The following OLFM2 variants were observed in gnomAD, a reference collection of about 807,000 sequenced individuals.
OLFM2 encodes noelin-2.
In OLFM2, 20 loss-of-function variants were observed where a neutral mutation model predicts 43.9. The ratio of observed to expected loss-of-function variants is 0.46; its 90% CI spans 0.32 to 0.66. OLFM2 has a LOEUF of 0.66. Among genes scored for constraint, OLFM2 ranks in the 30% least tolerant of loss-of-function variants. The probability of loss-of-function intolerance (pLI) is 0.04; values close to 1 mark genes in which losing one functional copy is unlikely to be tolerated. For synonymous variants in OLFM2, 268 were observed against 278.6 expected (o/e 0.96, Z 0.38); for missense variants, 416 against 643.6 (o/e 0.65, Z 3.83).
intron 1 of OLFM2, among the ~76,000 whole-genome samples, chr19:9,876,902 C>A (rs879455362): frequency 1.3e-5 from 2 of 152,064 alleles, no homozygotes; most frequent in Non-Finnish European, 2.9e-5. Flanking sequence ...AAAGTGAAAG[C>A]AAGTTTATTA....
At chr19:9,883,036 T>TA (rs34606062) in intron 1 of OLFM2, among the ~76,000 whole-genome samples, 26 of 146,136 alleles carry the variant, frequency 1.8e-4, no homozygotes, top group East Asian at 6.0e-4. Context: ...CCATCTCTAC[T>TA]AAAAAAAAAA....
intron 1 of OLFM2, among the ~76,000 whole-genome samples, chr19:9,914,737 C>A (rs955692217): frequency 6.6e-6 from 1 of 152,192 alleles, no homozygotes; most frequent in African/African-American, 2.4e-5. Flanking sequence ...TCCGCCCACG[C>A]ATCAGCCGGC....
At chr19:9,926,783 C>T (rs191296220) in intron 1 of OLFM2, among the ~76,000 whole-genome samples, 36 of 151,328 alleles carry the variant, frequency 2.4e-4, no homozygotes, top group African/African-American at 7.8e-4. Flanking sequence ...AGTTCAAGAC[C>T]GGCCTGGACA....
chr19:9,932,961 C>A (rs114062349), intron 1 of OLFM2, among the ~76,000 whole-genome samples: 2,169 of 152,236 alleles, frequency 0.014, 41 homozygotes, highest in African/African-American at 0.05. Flanking sequence ...CAAACTTCTG[C>A]CCACAGCTTA....
intron 1 of OLFM2, among the ~76,000 whole-genome samples, chr19:9,875,727 A>G (rs7246057): frequency 0.97 from 147,342 of 151,390 alleles, 71,986 homozygotes; most frequent in Middle Eastern, 1. Flanking sequence ...GCCCTGTCTC[A>G]AACTCCTGAG....
At chr19:9,930,196 C>T (rs2086474439) in intron 1 of OLFM2, among the ~76,000 whole-genome samples, 1 of 152,158 alleles carries the variant, frequency 6.6e-6, no homozygotes, top group Non-Finnish European at 1.5e-5. Context: ...CGCATGACAC[C>T]ACAGACACAT....
intron 2 of OLFM2, among the ~76,000 whole-genome samples, chr19:9,859,250 C>A (rs1283230562): frequency 1.3e-5 from 2 of 152,230 alleles, no homozygotes; most frequent in African/African-American, 4.8e-5. Flanking sequence ...TACCTGAGGC[C>A]AACCACAGTC....
At chr19:9,901,995 A>T (rs943134246) in intron 1 of OLFM2, among the ~76,000 whole-genome samples, 1 of 152,094 alleles carries the variant, frequency 6.6e-6, no homozygotes, top group Non-Finnish European at 1.5e-5. Context: ...TGAGCCCACA[A>T]GTCAACCTGC....
intron 2 of OLFM2, 188 bp from the exon 3 acceptor site, chr19:9,858,049 C>G (rs1372967367): frequency 1.4e-6 from 1 of 700,880 alleles, no homozygotes; most frequent in Non-Finnish European, 2.5e-6. Context: ...TCGCTCCCTC[C>G]CTACTACCCA....
chr19:9,904,715 A>ATT (rs531659541), intron 1 of OLFM2, among the ~76,000 whole-genome samples: 60 of 151,958 alleles, frequency 3.9e-4, no homozygotes, highest in African/African-American at 1.3e-3. Context: ...AAAAGCAACT[A>ATT]TTATATCAAG....
intron 1 of OLFM2, among the ~76,000 whole-genome samples, chr19:9,880,358 G>A (rs912666637): frequency 2.0e-5 from 3 of 152,168 alleles, no homozygotes; most frequent in African/African-American, 4.8e-5. Flanking sequence ...TCCAGGAGAC[G>A]CGCAGACATC....
intron 1 of OLFM2, among the ~76,000 whole-genome samples, chr19:9,870,779 C>T (rs900668945): frequency 4.6e-5 from 7 of 152,126 alleles, no homozygotes; most frequent in African/African-American, 7.2e-5. Context: ...TCTCAAGTCA[C>T]CCGGGAGGTG....
chr19:9,895,588 G>T lies in OLFM2; in HGVS notation c.64-34794C>A, dbSNP rs938780777. Among the ~76,000 whole-genome samples, 6 of 151,918 alleles carry T rather than the reference G, an allele frequency of 3.9e-5. No individual in the cohort carries two copies. The East Asian group carries it at 1.2e-3, about 29-fold the overall frequency. On this transcript the variant is annotated intron_variant, in intron 1 of 5. Transcript: ENST00000264833. ...TCTACCTCAATCTACCTTTTTTCTTGCTAGTAACTCTACACATGGGAGCTT... is the reference window on the plus strand; with the variant it reads ...TCTACCTCAATCTACCTTTTTTCTTTCTAGTAACTCTACACATGGGAGCTT...
Position 9,857,961 on chromosome 19 carries a change from A to C in OLFM2, c.214-100T>G. ...TGGCAGGAACAGAGGCTGTACAAAC[A>C]CCACACCGACGAGGCCACCTTCTCC... On this transcript the variant is annotated intron_variant, in intron 2 of 5. Transcript: ENST00000264833. The surrounding 1 kb of genome is among the most constrained non-coding windows in gnomAD (Gnocchi z 5.7). The C allele has an allele frequency of 2.8e-5, 41 of 1,480,934 alleles. No homozygotes were observed. Among genetic ancestry groups the C allele is most frequent in the Non-Finnish European group, 3.8e-5 (41 of 1,071,364 alleles). The allele number at this position is 1,480,934 out of a possible 1,614,324, so 91.7% of individuals were successfully genotyped here.
Position 9,857,332 on chromosome 19 carries a change from C to G in OLFM2, c.511G>C (p.Gly171Arg), listed in dbSNP as rs918077917. 1 of 1,614,162 alleles carries G rather than the reference C, an allele frequency of 6.2e-7. No homozygotes were observed. Among genetic ancestry groups the G allele is most frequent in the East Asian group, 2.2e-5 (1 of 44,880 alleles). ...ACCCGTTGCTGCAGGTCCTCATACC[C>G]GTAGGCACCCATCTCCTCCTGAATG... ...AAIQEEMGAY[G>R]YEDLQQRVMA... The change falls in exon 4 of 6, where the codon GGG becomes CGG. Residue 171 changes from glycine to arginine, a missense_variant. Gly to Arg is a moderately radical substitution (Grantham distance 125). Transcript: ENST00000264833. This position sits in a 1 kb window ranked among gnomAD's most constrained non-coding sequence, Gnocchi z 5.7.
At chr19:9,916,441 A>G (rs2144998239) in intron 1 of OLFM2, among the ~76,000 whole-genome samples, 1 of 152,352 alleles carries the variant, frequency 6.6e-6, no homozygotes, top group East Asian at 1.9e-4. Context: ...ATGCAATGTT[A>G]ACAACTGCTG....
At chr19:9,879,478 C>T (rs903689715) in intron 1 of OLFM2, among the ~76,000 whole-genome samples, 1 of 152,170 alleles carries the variant, frequency 6.6e-6, no homozygotes, top group Non-Finnish European at 1.5e-5. Flanking sequence ...CAGTCTCTCT[C>T]TTGCTCCTGC....
At chr19:9,865,991 C>T (rs993611892) in intron 1 of OLFM2, among the ~76,000 whole-genome samples, 1 of 152,048 alleles carries the variant, frequency 6.6e-6, no homozygotes, top group South Asian at 2.1e-4. Context: ...CATTGCCTAG[C>T]GTGTCCGTTG....
chr19:9,914,932 G>A (rs933132019), intron 1 of OLFM2, among the ~76,000 whole-genome samples: 2 of 152,072 alleles, frequency 1.3e-5, no homozygotes, highest in African/African-American at 2.4e-5. Context: ...CGGCGGCCTG[G>A]GGCTGAGGGC....
Sources: gnomAD v4.1 joint callset for allele counts (sites outside exome capture counted in the v4.1 genomes callset) on GRCh38, gnomAD v4.1.1 for gene constraint, Gnocchi (gnomAD v3.1) non-coding constraint, MANE v1.5 for transcripts, NCBI Gene and HGNC (gene_info 2026-07-23, HGNC 2026-07-21) for gene names.